Variants in CPS1 observed in about 807,000 individuals in gnomAD.
CPS1 encodes carbamoyl-phosphate synthase 1.
CPS1 carries 109 observed loss-of-function variants against 174.6 expected under a neutral mutation model. The observed-to-expected ratio is 0.62, with a 90% CI of 0.53 to 0.73. The LOEUF is 0.73. Among genes scored for constraint, CPS1 ranks in the 30% least tolerant of loss-of-function variants. The pLI is 0.00. For missense variants in CPS1, 1,689 were observed against 1,821.9 expected, an observed-to-expected ratio of 0.93 and a Z score of 1.33; for synonymous variants, 637 against 632.0, an observed-to-expected ratio of 1.01 and a Z score of -0.12.
intron 23 of CPS1, 80 bp downstream of exon 23, chr2:210,639,295 C>T: frequency 8.8e-7 from 1 of 1,138,236 alleles, no homozygotes; most frequent in Non-Finnish European, 1.3e-6. Flanking sequence ...TATTTTTTAC[C>T]TCTTTGGATA....
intron 21 of CPS1, among the ~76,000 whole-genome samples, chr2:210,634,821 T>C (rs1319926198): frequency 6.6e-6 from 1 of 152,242 alleles, no homozygotes; most frequent in Non-Finnish European, 1.5e-5. Context: ...GTGGCTACCC[T>C]CACCATCCAG....
chr2:210,618,643 A>G (rs546761562), intron 21 of CPS1: 1 of 152,116 alleles, frequency 6.6e-6, no homozygotes, highest in Middle Eastern at 3.2e-3. Context: ...ACCTGTCTCC[A>G]TCATTTTGTG....
At chr2:210,554,216 T>C (rs13035854), upstream of CPS1, among the ~76,000 whole-genome samples, 6 of 122,930 alleles carry the variant, frequency 4.9e-5, no homozygotes, top group South Asian at 2.4e-4. Flanking sequence ...TGTATATATA[T>C]ACACACACAT....
intron 25 of CPS1, among the ~76,000 whole-genome samples, chr2:210,644,046 C>T (rs1317666042): frequency 1.3e-5 from 2 of 152,078 alleles, no homozygotes; most frequent in East Asian, 3.9e-4. Flanking sequence ...CAGATGATAG[C>T]AGCAGGCATT....
chr2:210,551,353 A>G (rs967300657), intron 1 of CPS1, among the ~76,000 whole-genome samples: 1 of 152,030 alleles, frequency 6.6e-6, no homozygotes, highest in Non-Finnish European at 1.5e-5. Context: ...ACTCATTTAT[A>G]TACATTCTTT....
At chr2:210,588,965 T>G (rs572334120) in intron 7 of CPS1, among the ~76,000 whole-genome samples, 83 of 152,242 alleles carry the variant, frequency 5.5e-4, no homozygotes, top group African/African-American at 2.0e-3. Flanking sequence ...GTTGCCCATC[T>G]TCCAATTGCA....
chr2:210,594,555 C>G lies in CPS1; in HGVS notation c.1212C>G (p.Thr404=). The change falls in exon 12 of 38, where the codon ACC becomes ACG. Residue 404 remains threonine, a synonymous_variant. Coordinates refer to ENST00000233072, the MANE Select transcript of CPS1 (RefSeq NM_001875.5). ...FFSLIKKGKA[T]TITSVLPKPA... ...CACTGATAAAGAAAGGAAAAGCTAC[C>G]ACCATTACATCAGTCTTACCGAAGC... 1.2e-6 allele frequency: 2 copies of G among 1,611,244 alleles called. No individual in the cohort carries two copies. Among genetic ancestry groups the G allele is most frequent in the Non-Finnish European group, 8.5e-7 (1 of 1,178,298 alleles).
intron 23 of CPS1, among the ~76,000 whole-genome samples, chr2:210,639,639 A>G (rs1289886521): frequency 1.3e-5 from 2 of 150,158 alleles, no homozygotes; most frequent in Non-Finnish European, 3.0e-5. Flanking sequence ...AAAAAAAAAA[A>G]AAAAAGGCAT....
At chr2:210,564,501 G>A (rs902944265) in intron 1 of CPS1, among the ~76,000 whole-genome samples, 1 of 151,724 alleles carries the variant, frequency 6.6e-6, no homozygotes, top group African/African-American at 2.4e-5. Flanking sequence ...TCAGCCTCCC[G>A]AGTAGCTGGG....
intron 1 of CPS1, among the ~76,000 whole-genome samples, chr2:210,538,295 A>G (rs1051019962): frequency 7.9e-5 from 12 of 152,078 alleles, no homozygotes; most frequent in African/African-American, 2.7e-4. Flanking sequence ...ATTTCTTTCA[A>G]TATTTATGCA....
At chr2:210,621,484 C>G (rs1430981242) in intron 21 of CPS1, among the ~76,000 whole-genome samples, 1 of 152,084 alleles carries the variant, frequency 6.6e-6, no homozygotes, top group East Asian at 1.9e-4. Flanking sequence ...ATATTTTAGT[C>G]TATTTTTCCC....
intron 4 of CPS1, 92 bp downstream of exon 4, chr2:210,577,602 A>T: frequency 1.1e-6 from 1 of 945,470 alleles, no homozygotes; most frequent in South Asian, 1.3e-5. Context: ...GAGGAAGATC[A>T]TGTAGTTTGG....
chr2:210,535,760 C>G (rs1342946698), intron 1 of CPS1, among the ~76,000 whole-genome samples: 1 of 150,972 alleles, frequency 6.6e-6, no homozygotes, highest in Non-Finnish European at 1.5e-5. Context: ...AGCTATAGCA[C>G]TTTCTCTTTT....
intron 1 of CPS1, among the ~76,000 whole-genome samples, chr2:210,478,767 T>A (rs897026168): frequency 6.6e-6 from 1 of 152,180 alleles, no homozygotes; most frequent in South Asian, 2.1e-4. Context: ...TTATCTGGAG[T>A]TTACTTCTGA....
At chr2:210,554,160 C>CATATATATATGTATGTATAT (rs1345765255), upstream of CPS1, among the ~76,000 whole-genome samples, 47 of 118,478 alleles carry the variant, frequency 4.0e-4, 3 homozygotes, top group Admixed American at 7.9e-4. Context: ...TATACACACA[C>CATATATATATGTATGTATAT]ATATACATAT....
intron 32 of CPS1, among the ~76,000 whole-genome samples, chr2:210,662,785 A>G (rs1345307295): frequency 6.6e-6 from 1 of 152,248 alleles, no homozygotes; most frequent in Non-Finnish European, 1.5e-5. Flanking sequence ...CTCTGTCTGG[A>G]GAGACCAATG....
rs1574477925 is a variant in CPS1 at position 210,508,687 on chromosome 2, A to G, written c.3+30921A>G. On this transcript the variant is annotated intron_variant, in intron 1 of 38. Transcript: ENST00000430249. Reference sequence around the variant, plus strand: ...ATCAAATAGATGCAATTAAAAAATGATAAAGGGGATATCACCACTGATCCT... The same window carrying G: ...ATCAAATAGATGCAATTAAAAAATGGTAAAGGGGATATCACCACTGATCCT... Among the ~76,000 whole-genome samples, 5 of 152,360 alleles carry G rather than the reference A, an allele frequency of 3.3e-5. No individual in the cohort carries two copies. The South Asian group carries it at 8.3e-4, about 25-fold the overall frequency.
At chr2:210,576,139 C>T (rs933127513) in intron 2 of CPS1, among the ~76,000 whole-genome samples, 1 of 151,976 alleles carries the variant, frequency 6.6e-6, no homozygotes, top group Non-Finnish European at 1.5e-5. Context: ...TTGGTACTCA[C>T]GAGTTGGTTT....
intron 1 of CPS1, among the ~76,000 whole-genome samples, chr2:210,510,675 A>T: frequency 6.6e-6 from 1 of 152,134 alleles, no homozygotes; most frequent in African/African-American, 2.4e-5. Flanking sequence ...AAAGAACTCA[A>T]ACAAATTTAC....
Sources: gnomAD v4.1 joint callset for allele counts (sites outside exome capture counted in the v4.1 genomes callset) on GRCh38, gnomAD v4.1.1 for gene constraint, MANE v1.5 for transcripts, NCBI Gene and HGNC (gene_info 2026-07-23, HGNC 2026-07-21) for gene names.